The following NSMCE2 variants were observed in gnomAD, a reference collection of about 807,000 sequenced individuals.
NSMCE2 encodes E3 SUMO-protein ligase NSE2.
Under a neutral mutation model 23.8 loss-of-function variants are expected in NSMCE2, and 24 were observed. That is an observed-to-expected ratio of 1.01 (90% CI 0.73 to 1.42). The LOEUF (loss-of-function observed/expected upper bound fraction) is 1.42, where lower values mean the gene tolerates loss of function less well. Among genes scored for constraint, NSMCE2 ranks in the 40% most tolerant of loss-of-function variants. The pLI is 0.00. For synonymous variants in NSMCE2, 92 were observed against 94.1 expected (o/e 0.98, Z 0.13); for missense variants, 284 against 296.5 (o/e 0.96, Z 0.31).
chr8:125,133,631 C>G (rs1819887611), intron 3 of NSMCE2, among the ~76,000 whole-genome samples: 1 of 151,874 alleles, frequency 6.6e-6, no homozygotes, highest in Non-Finnish European at 1.5e-5. Context: ...ATCCCCCCAG[C>G]TACTCTGGAG....
chr8:125,160,851 C>T (rs1182867088), intron 4 of NSMCE2, among the ~76,000 whole-genome samples: 1 of 152,172 alleles, frequency 6.6e-6, no homozygotes, highest in Non-Finnish European at 1.5e-5. Context: ...ATTAAACTAT[C>T]TTGCTTACAT....
intron 5 of NSMCE2, among the ~76,000 whole-genome samples, chr8:125,281,213 G>T (rs1827680270): frequency 6.6e-6 from 1 of 152,164 alleles, no homozygotes; most frequent in Non-Finnish European, 1.5e-5. Flanking sequence ...AACAGCATGG[G>T]TTATTCATCT....
At chr8:125,131,896 G>A (rs1819791020) in intron 3 of NSMCE2, among the ~76,000 whole-genome samples, 1 of 152,256 alleles carries the variant, frequency 6.6e-6, no homozygotes, top group Non-Finnish European at 1.5e-5. Context: ...TTGAATTGCA[G>A]GTAAGTAAAA....
intron 5 of NSMCE2, among the ~76,000 whole-genome samples, chr8:125,252,504 C>A (rs920251173): frequency 2.0e-5 from 3 of 152,066 alleles, no homozygotes; most frequent in Admixed American, 2.0e-4. Context: ...CCAGCCTGGG[C>A]GACAGAGCGA....
At chr8:125,260,052 A>G (rs954176045) in intron 5 of NSMCE2, among the ~76,000 whole-genome samples, 4 of 152,234 alleles carry the variant, frequency 2.6e-5, no homozygotes, top group African/African-American at 9.6e-5. Flanking sequence ...TAAATATTTT[A>G]TTTAAAAATC....
intron 5 of NSMCE2, among the ~76,000 whole-genome samples, chr8:125,187,684 T>G (rs549612723): frequency 4.6e-5 from 7 of 152,146 alleles, no homozygotes; most frequent in Middle Eastern, 3.2e-3. Context: ...AGGCAGAAAT[T>G]GAGGGCAGTT....
In NSMCE2 at chr8:125,364,058, C is replaced by T. The variant is rs369711853; in HGVS notation, c.627-2710C>T. Among the ~76,000 whole-genome samples the T allele has an allele frequency of 4.0e-4, 61 of 152,200 alleles. 1 individual carries two copies. The South Asian group carries it at 9.6e-3, about 24-fold the overall frequency. ...TCCTGGATTCAAGTGATTTTCCTGC[C>T]TCAGCCTCACGAGTAGCTGGGATTA... On this transcript the variant is annotated intron_variant, in intron 7 of 7. Transcript: ENST00000287437.
intron 3 of NSMCE2, among the ~76,000 whole-genome samples, chr8:125,113,358 T>C (rs1052995257): frequency 6.6e-6 from 1 of 152,094 alleles, no homozygotes; most frequent in African/African-American, 2.4e-5. Context: ...TGTGGTGGCA[T>C]GCACCTGTAG....
At chr8:125,110,759 G>GTTTTTTTTTT (rs1387354813) in intron 3 of NSMCE2, among the ~76,000 whole-genome samples, 12 of 58,130 alleles carry the variant, frequency 2.1e-4, no homozygotes, top group African/African-American at 8.7e-4. Flanking sequence ...TTTGGTTGTT[G>GTTTTTTTTTT]TTGTTTTTTT....
intron 5 of NSMCE2, among the ~76,000 whole-genome samples, chr8:125,223,925 C>A (rs1314518962): frequency 6.7e-6 from 1 of 148,532 alleles, no homozygotes; most frequent in Non-Finnish European, 1.5e-5. Context: ...CAGCCTTGAT[C>A]TTCCTGGTTC....
intron 5 of NSMCE2, among the ~76,000 whole-genome samples, chr8:125,330,240 G>A (rs1189009016): frequency 6.9e-6 from 1 of 144,556 alleles, no homozygotes; most frequent in Non-Finnish European, 1.5e-5. Context: ...GCGATGGGAC[G>A]ATCTAGGTTC....
At chr8:125,159,337 T>C (rs1821482931) in intron 4 of NSMCE2, among the ~76,000 whole-genome samples, 1 of 152,234 alleles carries the variant, frequency 6.6e-6, no homozygotes, top group South Asian at 2.1e-4. Flanking sequence ...GCCATACATA[T>C]GATGGTGGTG....
chr8:125,316,791 T>C (rs1422198980), intron 5 of NSMCE2, among the ~76,000 whole-genome samples: 4 of 117,662 alleles, frequency 3.4e-5, no homozygotes, highest in African/African-American at 1.6e-4. Context: ...CTTTCTTTCT[T>C]TCTTTCTTCT....
rs1453887022 is a variant in NSMCE2 at position 125,151,194 on chromosome 8, A to G, written c.181A>G (p.Met61Val). Reference protein sequence around the residue: ...SQTEVSSEYSMDKAMVEFATL... With the variant: ...SQTEVSSEYSVDKAMVEFATL... ...AGCTGAAGTGAGTAGTGAATATAGT[A>G]TGGACAAGGCAATGGTTGAATTTGC... The change falls in exon 4 of 8, where the codon ATG becomes GTG. Residue 61 changes from methionine to valine, a missense_variant. Coordinates refer to ENST00000287437, the MANE Select transcript of NSMCE2 (RefSeq NM_173685.4). 1.2e-6 allele frequency: 2 copies of G among 1,604,368 alleles called. No individual in the cohort carries two copies. The highest frequency in any genetic ancestry group is 2.2e-5 in the East Asian group (1 of 44,766).
At chr8:125,198,096 A>G (rs1020544571) in intron 5 of NSMCE2, among the ~76,000 whole-genome samples, 4 of 152,148 alleles carry the variant, frequency 2.6e-5, no homozygotes, top group Non-Finnish European at 5.9e-5. Context: ...GGCTCAGACG[A>G]TGGGGTTTTC....
intron 3 of NSMCE2, among the ~76,000 whole-genome samples, chr8:125,135,321 A>G (rs1820010333): frequency 6.6e-6 from 1 of 152,118 alleles, no homozygotes; most frequent in Non-Finnish European, 1.5e-5. Context: ...AAGTAGCTGG[A>G]ATTACAAGCT....
chr8:125,336,476 A>T (rs796238543), intron 5 of NSMCE2, among the ~76,000 whole-genome samples: 6 of 152,276 alleles, frequency 3.9e-5, no homozygotes, highest in African/African-American at 1.4e-4. Context: ...CAGAAGTTGG[A>T]GAAGGGGAAG....
At chr8:125,204,166 A>C (rs1007490233) in intron 5 of NSMCE2, among the ~76,000 whole-genome samples, 1 of 152,218 alleles carries the variant, frequency 6.6e-6, no homozygotes, top group East Asian at 1.9e-4. Context: ...CATGGGACAA[A>C]TATTTCATGA....
At chr8:125,339,702 C>G (rs1830171495) in intron 5 of NSMCE2, among the ~76,000 whole-genome samples, 1 of 152,124 alleles carries the variant, frequency 6.6e-6, no homozygotes, top group African/African-American at 2.4e-5. Context: ...TACTCCTTCT[C>G]CTTCAGGATT....
Sources: allele counts gnomAD v4.1 joint callset (sites outside exome capture counted in the v4.1 genomes callset), GRCh38; gene constraint gnomAD v4.1.1; transcripts MANE v1.5; gene names NCBI Gene and HGNC (gene_info 2026-07-23, HGNC 2026-07-21).